SLC16A9: variants seen among roughly 807,000 people sequenced by gnomAD.
The protein encoded by SLC16A9 is solute carrier family 16 member 9.
Under a neutral mutation model 44.3 loss-of-function variants are expected in SLC16A9, and 26 were observed. The ratio of observed to expected loss-of-function variants is 0.59; its 90% CI spans 0.43 to 0.81. The LOEUF is 0.81. Ranked by LOEUF, SLC16A9 falls within the 40% of genes least tolerant of loss-of-function variation. The pLI is 0.00. For missense variants in SLC16A9, 559 were observed against 595.8 expected (o/e 0.94, Z 0.64); for synonymous variants, 230 against 225.1 (o/e 1.02, Z -0.19).
intron 1 of SLC16A9, among the ~76,000 whole-genome samples, chr10:59,709,231 C>A (rs1589005960): frequency 6.6e-6 from 1 of 152,264 alleles, no homozygotes; most frequent in East Asian, 1.9e-4. Flanking sequence ...CAAAATGCCG[C>A]CTTCGGATTC....
intron 2 of SLC16A9, among the ~76,000 whole-genome samples, chr10:59,677,975 C>T (rs1331678426): frequency 1.3e-5 from 2 of 151,612 alleles, no homozygotes; most frequent in East Asian, 3.9e-4. Flanking sequence ...CATGCTGGTG[C>T]GCTGCACCCA....
In SLC16A9 at chr10:59,651,200, G is replaced by T. The variant is rs1839189960; in HGVS notation, c.*1572C>A. The T allele has an allele frequency of 6.6e-6, 1 of 152,116 alleles. No individual in the cohort carries two copies. Among genetic ancestry groups the T allele is most frequent in the Admixed American group, 6.5e-5 (1 of 15,276 alleles). 9.4% of individuals were successfully genotyped at this position (152,116 alleles called of 1,614,324 possible). On this transcript the variant is annotated 3_prime_UTR_variant, in exon 6 of 6. Transcript: ENST00000395348. ...AAAAGTACTATTTACCTACCTCACA[G>T]AGGTATTGTGAGGATTTGTGTTTAT...
At chr10:59,691,568 C>T (rs1313792412) in intron 1 of SLC16A9, among the ~76,000 whole-genome samples, 1 of 152,088 alleles carries the variant, frequency 6.6e-6, no homozygotes, top group Non-Finnish European at 1.5e-5. Flanking sequence ...TATCACTATT[C>T]AACAAAATTA....
intron 1 of SLC16A9, among the ~76,000 whole-genome samples, chr10:59,684,815 C>A (rs920445142): frequency 1.3e-5 from 2 of 152,142 alleles, no homozygotes; most frequent in African/African-American, 4.8e-5. Context: ...TTGGGATGAC[C>A]CTTCAGAGAT....
chr10:59,687,170 G>A (rs1318193121), intron 1 of SLC16A9, among the ~76,000 whole-genome samples: 1 of 152,192 alleles, frequency 6.6e-6, no homozygotes, highest in Non-Finnish European at 1.5e-5. Context: ...CTCCCAAAGT[G>A]CCAGGATTAC....
chr10:59,708,644 T>G (rs1840695614), intron 1 of SLC16A9: 2 of 152,234 alleles, frequency 1.3e-5, no homozygotes, highest in Admixed American at 6.5e-5. Context: ...CTGACTAAAC[T>G]TCGGGGATAG....
At chr10:59,657,004 A>T (rs1341893893) in intron 4 of SLC16A9, among the ~76,000 whole-genome samples, 1 of 152,196 alleles carries the variant, frequency 6.6e-6, no homozygotes, top group Non-Finnish European at 1.5e-5. Flanking sequence ...AACTTCCCGA[A>T]AGGATCAGAG....
chr10:59,692,631 T>C (rs2132516810), intron 1 of SLC16A9, among the ~76,000 whole-genome samples: 1 of 152,252 alleles, frequency 6.6e-6, no homozygotes, highest in East Asian at 1.9e-4. Flanking sequence ...TAGCTCTGAC[T>C]CCAATGTAGG....
At chr10:59,699,690 CT>C (rs146108230) in intron 1 of SLC16A9, among the ~76,000 whole-genome samples, 25,803 of 147,976 alleles carry the variant, frequency 0.17, 2,328 homozygotes, top group Non-Finnish European at 0.2. Context: ...AAGTATCACT[CT>C]TTTTTTTTTT....
At chr10:59,675,076 TCTA>T (rs1839829956) in intron 2 of SLC16A9, among the ~76,000 whole-genome samples, 1 of 152,212 alleles carries the variant, frequency 6.6e-6, no homozygotes. Flanking sequence ...TTTAAAATTC[TCTA>T]CTTTCACATT....
At chr10:59,694,022 C>G (rs1293376788) in intron 1 of SLC16A9, among the ~76,000 whole-genome samples, 1 of 151,994 alleles carries the variant, frequency 6.6e-6, no homozygotes, top group Non-Finnish European at 1.5e-5. Context: ...ACCACAAGCT[C>G]CGCCTCCCGG....
chr10:59,659,827 G>C (rs1839431274), intron 4 of SLC16A9, among the ~76,000 whole-genome samples: 1 of 152,112 alleles, frequency 6.6e-6, no homozygotes, highest in South Asian at 2.1e-4. Context: ...AATCAAATTA[G>C]AGCTCAGAAT....
chr10:59,708,816 C>G (rs1189945473), intron 1 of SLC16A9: 1 of 152,248 alleles, frequency 6.6e-6, no homozygotes, highest in Non-Finnish European at 1.5e-5. Context: ...CATTAAGCAC[C>G]AAGTCCTCCC....
chr10:59,706,867 G>A (rs574564657), intron 1 of SLC16A9, among the ~76,000 whole-genome samples: 7 of 152,012 alleles, frequency 4.6e-5, no homozygotes, highest in South Asian at 2.1e-4. Context: ...CCAGCTACTC[G>A]GGAGGCTGAG....
At chr10:59,659,632 G>C (rs1261765721) in intron 4 of SLC16A9, among the ~76,000 whole-genome samples, 4 of 152,084 alleles carry the variant, frequency 2.6e-5, no homozygotes, top group African/African-American at 9.7e-5. Context: ...CTTGAACTCA[G>C]CTCTGGACCA....
chr10:59,695,339 C>CA (rs981523534), intron 1 of SLC16A9, among the ~76,000 whole-genome samples: 72 of 151,896 alleles, frequency 4.7e-4, no homozygotes, highest in African/African-American at 1.5e-3. Context: ...AATCTGTTAC[C>CA]AAAAAAATTA....
chr10:59,684,046 T>C (rs748501381), intron 2 of SLC16A9, 50 bp downstream of exon 2: 29 of 1,462,576 alleles, frequency 2.0e-5, no homozygotes, highest in African/African-American at 2.0e-4. Context: ...ATGTAGTAAA[T>C]GTAATTAAAT....
At chr10:59,659,284 A>T (rs1053080079) in intron 4 of SLC16A9, among the ~76,000 whole-genome samples, 1 of 152,132 alleles carries the variant, frequency 6.6e-6, no homozygotes, top group Non-Finnish European at 1.5e-5. Flanking sequence ...CTTTAGAAAA[A>T]TTGTAAGTTC....
intron 1 of SLC16A9, among the ~76,000 whole-genome samples, chr10:59,695,058 G>C (rs538924686): frequency 6.6e-6 from 1 of 151,916 alleles, no homozygotes; most frequent in East Asian, 1.9e-4. Context: ...AATTGAAAGA[G>C]ACCACACATT....
Sources: allele counts gnomAD v4.1 joint callset (sites outside exome capture counted in the v4.1 genomes callset), GRCh38; gene constraint gnomAD v4.1.1; transcripts MANE v1.5; gene names NCBI Gene and HGNC (gene_info 2026-07-23, HGNC 2026-07-21).